The following NDFIP2 variants were observed in gnomAD, a reference collection of about 807,000 sequenced individuals.
NDFIP2 encodes the protein NEDD4 family-interacting protein 2.
In NDFIP2, 19 loss-of-function variants were observed where a neutral mutation model predicts 36.0. The observed-to-expected ratio is 0.53, with a 90% CI of 0.37 to 0.77. The LOEUF (loss-of-function observed/expected upper bound fraction) is 0.77, where lower values mean the gene tolerates loss of function less well. Ranked by LOEUF, NDFIP2 falls within the 30% of genes least tolerant of loss-of-function variation. The pLI is 0.00. For missense variants in NDFIP2, 446 were observed against 435.8 expected (o/e 1.02, Z -0.21); for synonymous variants, 181 against 167.7 (o/e 1.08, Z -0.61).
intron 3 of NDFIP2, among the ~76,000 whole-genome samples, chr13:79,536,806 T>C (rs574456078): frequency 6.6e-6 from 1 of 152,204 alleles, no homozygotes; most frequent in Admixed American, 6.5e-5. Context: ...AGCAGGTTGC[T>C]TGAGCTCAGG....
At chr13:79,534,463 A>G (rs1329823832) in intron 3 of NDFIP2, among the ~76,000 whole-genome samples, 1 of 150,568 alleles carries the variant, frequency 6.6e-6, no homozygotes, top group Non-Finnish European at 1.5e-5. Context: ...AATGAGATAC[A>G]TGTGTATTAC....
At chr13:79,482,193 T>TTTTTTTTTTG (rs2079819157) in intron 1 of NDFIP2, among the ~76,000 whole-genome samples, 1 of 137,104 alleles carries the variant, frequency 7.3e-6, no homozygotes, top group African/African-American at 2.7e-5. Flanking sequence ...TTTTTTTTTT[T>TTTTTTTTTTG]TTGGTTAGAG....
intron 2 of NDFIP2, among the ~76,000 whole-genome samples, chr13:79,527,437 A>G (rs1874845082): frequency 6.6e-6 from 1 of 152,214 alleles, no homozygotes; most frequent in African/African-American, 2.4e-5. Flanking sequence ...TGGATGGTAT[A>G]GTAATTGGGT....
intron 1 of NDFIP2, among the ~76,000 whole-genome samples, chr13:79,485,829 T>C (rs1307694519): frequency 6.6e-6 from 1 of 152,138 alleles, no homozygotes; most frequent in African/African-American, 2.4e-5. Flanking sequence ...ACTCTTTTTG[T>C]ACTTAATCCA....
At chr13:79,549,351 G>C (rs949481653) in intron 6 of NDFIP2, among the ~76,000 whole-genome samples, 2 of 151,890 alleles carry the variant, frequency 1.3e-5, no homozygotes, top group Admixed American at 1.3e-4. Context: ...TTACCTAAAA[G>C]TGAGAAGGTT....
At chr13:79,488,494 T>C (rs950940804) in intron 1 of NDFIP2, among the ~76,000 whole-genome samples, 1 of 152,190 alleles carries the variant, frequency 6.6e-6, no homozygotes, top group African/African-American at 2.4e-5. Flanking sequence ...TGGAGTACTA[T>C]ATGTGTAGTG....
intron 2 of NDFIP2, among the ~76,000 whole-genome samples, chr13:79,525,383 G>A (rs1227533049): frequency 6.6e-6 from 1 of 152,186 alleles, no homozygotes; most frequent in African/African-American, 2.4e-5. Flanking sequence ...ACAGATAGAA[G>A]ATTCGTTTTT....
intron 6 of NDFIP2, among the ~76,000 whole-genome samples, chr13:79,550,434 TAA>T (rs1020983581): frequency 2.6e-5 from 4 of 151,720 alleles, no homozygotes; most frequent in African/African-American, 7.2e-5. Context: ...TTTTTTATTA[TAA>T]GTTAGTTTTT....
At chr13:79,531,166 T>C (rs1875001208) in intron 2 of NDFIP2, among the ~76,000 whole-genome samples, 1 of 152,212 alleles carries the variant, frequency 6.6e-6, no homozygotes, top group African/African-American at 2.4e-5. Context: ...AGTGACCAGG[T>C]GCATTGTCAG....
chr13:79,494,849 C>T lies in NDFIP2; in HGVS notation c.321+13325C>T, dbSNP rs868353865. 2.0e-5 allele frequency among the ~76,000 whole-genome samples: 3 copies of T among 151,920 alleles called. No individual in the cohort carries two copies. The South Asian group carries it at 6.2e-4, about 31-fold the overall frequency. ...GTAATACCTGTAGTGATAATAACCT[C>T]TTTTTAATTCCCAATATTGGAGATT... On this transcript the variant is annotated intron_variant, in intron 1 of 7. Transcript: ENST00000218652.
chr13:79,481,631 T>C, intron 1 of NDFIP2, 107 bp downstream of exon 1: 2 of 1,349,408 alleles, frequency 1.5e-6, no homozygotes, highest in Non-Finnish European at 2.0e-6. Flanking sequence ...CTTTTTTTTG[T>C]TGTGTTTTGT....
intron 1 of NDFIP2, among the ~76,000 whole-genome samples, chr13:79,515,007 G>A (rs1295650545): frequency 6.6e-6 from 1 of 152,148 alleles, no homozygotes; most frequent in Non-Finnish European, 1.5e-5. Context: ...CTCTGAGAAT[G>A]CAATAGGTGA....
intron 3 of NDFIP2, among the ~76,000 whole-genome samples, chr13:79,538,367 CAA>C (rs1331300234): frequency 1.3e-5 from 2 of 152,112 alleles, no homozygotes; most frequent in Non-Finnish European, 2.9e-5. Context: ...AGCATTAACT[CAA>C]AGAGTCAACA....
chr13:79,523,375 C>T (rs1435054246), intron 2 of NDFIP2, among the ~76,000 whole-genome samples: 1 of 152,086 alleles, frequency 6.6e-6, no homozygotes, highest in Non-Finnish European at 1.5e-5. Flanking sequence ...CATGTGCCAC[C>T]ACACCTGGCG....
chr13:79,525,262 T>C (rs1205450849), intron 2 of NDFIP2, among the ~76,000 whole-genome samples: 1 of 152,204 alleles, frequency 6.6e-6, no homozygotes, highest in Admixed American at 6.5e-5. Context: ...CCTATAAATT[T>C]ACTTCCTCTT....
chr13:79,518,701 T>G (rs1874446472), intron 1 of NDFIP2, among the ~76,000 whole-genome samples: 1 of 152,222 alleles, frequency 6.6e-6, no homozygotes, highest in Non-Finnish European at 1.5e-5. Flanking sequence ...CTATGAGGAT[T>G]TTGGCTGCAT....
intron 1 of NDFIP2, among the ~76,000 whole-genome samples, chr13:79,501,633 CA>C (rs1873672238): frequency 6.6e-6 from 1 of 152,010 alleles, no homozygotes; most frequent in South Asian, 2.1e-4. Flanking sequence ...ATTTAGCGGC[CA>C]ACTTTAGAGT....
rs150366170 is a variant in NDFIP2 at position 79,540,503 on chromosome 13, T to C, written c.715+728T>C. Among the ~76,000 whole-genome samples the C allele has an allele frequency of 2.8e-3, 433 of 152,316 alleles. 4 individuals carry two copies. Among genetic ancestry groups the C allele is most frequent in the African/African-American group, 0.01 (416 of 41,562 alleles). ...ATTCATTTAAGTAAGTTTATTAGTC[T>C]ATGATATAGTTAATTTCTGCCCTCA... On this transcript the variant is annotated intron_variant, in intron 4 of 7. Coordinates refer to ENST00000218652, the MANE Select transcript of NDFIP2 (RefSeq NM_019080.3).
chr13:79,481,359 A>T lies in NDFIP2; in HGVS notation c.156A>T (p.Gly52=). The change falls in exon 1 of 8, where the codon GGA becomes GGT. Residue 52 remains glycine, a synonymous_variant. Transcript: ENST00000218652. ...GATGSEELPP[G]DRGCRNGGGR... ...CAGGAAGTGAAGAGCTTCCGCCGGGAGACCGCGGCTGCAGGAACGGAGGCG... is the reference window on the plus strand; with the variant it reads ...CAGGAAGTGAAGAGCTTCCGCCGGGTGACCGCGGCTGCAGGAACGGAGGCG... 6.4e-7 allele frequency: 1 copy of T among 1,551,636 alleles called. No individual in the cohort carries two copies. Among genetic ancestry groups the T allele is most frequent in the Non-Finnish European group, 8.7e-7 (1 of 1,148,144 alleles).
Sources: allele counts gnomAD v4.1 joint callset (sites outside exome capture counted in the v4.1 genomes callset), GRCh38; gene constraint gnomAD v4.1.1; transcripts MANE v1.5; gene names NCBI Gene and HGNC (gene_info 2026-07-23, HGNC 2026-07-21).